Variants in EML1 observed in about 807,000 individuals in gnomAD.
The protein encoded by EML1 is echinoderm microtubule-associated protein-like 1.
In EML1, 27 loss-of-function variants were observed where a neutral mutation model predicts 110.4. The observed-to-expected ratio is 0.24, with a 90% CI of 0.18 to 0.34. The LOEUF (loss-of-function observed/expected upper bound fraction) is 0.34, where lower values mean the gene tolerates loss of function less well. Among genes scored for constraint, EML1 ranks in the 10% least tolerant of loss-of-function variants. The pLI is 1.00. For missense variants in EML1, 741 were observed against 1,030.9 expected (o/e 0.72, Z 3.85); for synonymous variants, 344 against 385.8 (o/e 0.89, Z 1.27).
intron 1 of EML1, among the ~76,000 whole-genome samples, chr14:99,753,985 A>G (rs2140177137): frequency 6.6e-6 from 1 of 152,304 alleles, no homozygotes; most frequent in Middle Eastern, 3.4e-3. Flanking sequence ...CTTTCCAACA[A>G]GGGCCCCCCA....
At chr14:99,884,638 C>A (rs1482458224) in intron 4 of EML1, among the ~76,000 whole-genome samples, 2 of 152,094 alleles carry the variant, frequency 1.3e-5, no homozygotes, top group African/African-American at 2.4e-5. Flanking sequence ...CAATCAAGCC[C>A]AGACCTAATT....
intron 1 of EML1, among the ~76,000 whole-genome samples, chr14:99,811,678 G>T (rs916291373): frequency 6.6e-6 from 1 of 150,388 alleles, no homozygotes; most frequent in Non-Finnish European, 1.5e-5. Flanking sequence ...AGGCTTTGTG[G>T]CACGAACCTA....
intron 17 of EML1, among the ~76,000 whole-genome samples, chr14:99,922,198 C>T (rs1184209122): frequency 6.6e-6 from 1 of 152,080 alleles, no homozygotes; most frequent in African/African-American, 2.4e-5. Context: ...TCACTGCAAC[C>T]TCTGCCTCCC....
intron 2 of EML1, among the ~76,000 whole-genome samples, chr14:99,859,322 C>A (rs1317284231): frequency 6.6e-6 from 1 of 151,992 alleles, no homozygotes; most frequent in East Asian, 1.9e-4. Context: ...GCATAAATAC[C>A]GCACCTGTTA....
intron 4 of EML1, chr14:99,883,568 G>A (rs2059424549): frequency 6.7e-6 from 1 of 149,978 alleles, no homozygotes; most frequent in Admixed American, 6.7e-5. Context: ...GCACTAAAAA[G>A]AAGAAACAAC....
intron 2 of EML1, among the ~76,000 whole-genome samples, chr14:99,858,068 G>A (rs1372548146): frequency 6.6e-6 from 1 of 152,144 alleles, no homozygotes; most frequent in East Asian, 1.9e-4. Context: ...CAGGGTTTCA[G>A]GTTTCTGGAC....
upstream of EML1, among the ~76,000 whole-genome samples, chr14:99,790,754 G>A (rs1032287507): frequency 1.3e-5 from 2 of 152,214 alleles, no homozygotes; most frequent in Non-Finnish European, 2.9e-5. Flanking sequence ...TAGAGAGGCA[G>A]AGAACCCACC....
chr14:99,918,798 C>T (rs1056370176), intron 16 of EML1, among the ~76,000 whole-genome samples: 4 of 152,114 alleles, frequency 2.6e-5, no homozygotes. Context: ...CTAAGCCACA[C>T]AGCGAGACCC....
At chr14:99,822,914 C>T (rs902013338) in intron 1 of EML1, among the ~76,000 whole-genome samples, 11 of 152,310 alleles carry the variant, frequency 7.2e-5, no homozygotes, top group African/African-American at 2.6e-4. Context: ...TATTTTAGCA[C>T]GCCTTCTTTT....
chr14:99,774,973 AAAG>A (rs1366694082), intron 1 of EML1, among the ~76,000 whole-genome samples: 2 of 152,236 alleles, frequency 1.3e-5, no homozygotes, highest in African/African-American at 2.4e-5. Flanking sequence ...CTTAAAATGG[AAAG>A]TAGTCCAGTG....
chr14:99,751,592 G>A (rs1473985130), intron 1 of EML1, among the ~76,000 whole-genome samples: 4 of 152,124 alleles, frequency 2.6e-5, no homozygotes, highest in Admixed American at 6.5e-5. Context: ...AATCAGGGAC[G>A]GGGTGTCAGA....
intron 1 of EML1, among the ~76,000 whole-genome samples, chr14:99,822,158 A>C (rs1294260029): frequency 6.6e-6 from 1 of 152,204 alleles, no homozygotes; most frequent in East Asian, 1.9e-4. Context: ...GGTTGCATGT[A>C]TCTTCAATAT....
chr14:99,796,097 G>GGAT (rs2057765274), intron 1 of EML1, among the ~76,000 whole-genome samples: 1 of 151,682 alleles, frequency 6.6e-6, no homozygotes, highest in African/African-American at 2.4e-5. Flanking sequence ...TGAGATGGGA[G>GGAT]GATTGATTGA....
chr14:99,925,588 CA>C (rs1300709241), intron 17 of EML1, among the ~76,000 whole-genome samples: 1 of 152,212 alleles, frequency 6.6e-6, no homozygotes, highest in Admixed American at 6.5e-5. Context: ...AATGATTGGG[CA>C]GAGGTTATGC....
intron 1 of EML1, among the ~76,000 whole-genome samples, chr14:99,849,726 T>A (rs2058761763): frequency 6.6e-6 from 1 of 151,730 alleles, no homozygotes; most frequent in Admixed American, 6.6e-5. Flanking sequence ...TTTTGAATTT[T>A]TAGTAGAGAT....
At chr14:99,855,435 CAT>C (rs1236932227) in intron 2 of EML1, among the ~76,000 whole-genome samples, 9 of 152,328 alleles carry the variant, frequency 5.9e-5, no homozygotes, top group African/African-American at 2.2e-4. Context: ...GGTTTACTCA[CAT>C]GTGTTTTCAA....
chr14:99,775,953 C>G (rs2057477684), intron 1 of EML1, among the ~76,000 whole-genome samples: 3 of 152,178 alleles, frequency 2.0e-5, no homozygotes, highest in African/African-American at 7.2e-5. Context: ...TTTTACAGCA[C>G]AATTTCATGA....
intron 17 of EML1, among the ~76,000 whole-genome samples, chr14:99,929,773 C>A (rs2060332605): frequency 6.6e-6 from 1 of 152,152 alleles, no homozygotes. Context: ...ATTTCAGAAA[C>A]CTGCTGCCAA....
chr14:99,811,402 G>A (rs573129995), intron 1 of EML1, among the ~76,000 whole-genome samples: 8 of 147,884 alleles, frequency 5.4e-5, no homozygotes, highest in African/African-American at 1.2e-4. Context: ...ACTATTGACC[G>A]GAACCTTACC....
Sources: gnomAD v4.1 joint callset for allele counts (sites outside exome capture counted in the v4.1 genomes callset) on GRCh38, gnomAD v4.1.1 for gene constraint, MANE v1.5 for transcripts, NCBI Gene and HGNC (gene_info 2026-07-23, HGNC 2026-07-21) for gene names.